Variants in PPM1E observed in about 807,000 individuals in gnomAD.
PPM1E encodes protein phosphatase, Mg2+/Mn2+ dependent 1E, also known as protein phosphatase 1E.
PPM1E carries 20 observed loss-of-function variants against 65.9 expected under a neutral mutation model. That is an observed-to-expected ratio of 0.30 (90% confidence interval 0.21 to 0.44). The LOEUF is 0.44. Among genes scored for constraint, PPM1E ranks in the 20% least tolerant of loss-of-function variants. The pLI is 1.00. For missense variants in PPM1E, 713 were observed against 953.1 expected, an observed-to-expected ratio of 0.75 and a Z score of 3.32; for synonymous variants, 352 against 374.9, an observed-to-expected ratio of 0.94 and a Z score of 0.70.
intron 1 of PPM1E, among the ~76,000 whole-genome samples, chr17:58,761,246 T>A (rs1264859521): frequency 6.6e-6 from 1 of 152,212 alleles, no homozygotes; most frequent in African/African-American, 2.4e-5. Flanking sequence ...TGATACTATG[T>A]GGTTCAAGGG....
At chr17:58,953,555 G>T (rs900666048) in intron 1 of PPM1E, among the ~76,000 whole-genome samples, 2 of 152,154 alleles carry the variant, frequency 1.3e-5, no homozygotes, top group East Asian at 3.8e-4. Context: ...GCCCCACCTT[G>T]AACATCGGGG....
chr17:58,872,927 TC>T (rs1417188336), intron 1 of PPM1E, among the ~76,000 whole-genome samples: 8 of 152,240 alleles, frequency 5.3e-5, no homozygotes, highest in Admixed American at 2.6e-4. Context: ...CATTCAGTGA[TC>T]GGGGTGATAA....
chr17:58,926,781 A>AT (rs1293725956), intron 1 of PPM1E, among the ~76,000 whole-genome samples: 2 of 152,194 alleles, frequency 1.3e-5, no homozygotes, highest in Non-Finnish European at 2.9e-5. Flanking sequence ...TGGGGCTAAT[A>AT]TAAAACTGCA....
chr17:58,905,813 G>T (rs9911753), intron 1 of PPM1E, among the ~76,000 whole-genome samples: 1 of 151,718 alleles, frequency 6.6e-6, no homozygotes, highest in East Asian at 1.9e-4. Context: ...TAATTAATAG[G>T]TGTATTAATT....
At chr17:58,914,742 A>T (rs926011168) in intron 1 of PPM1E, among the ~76,000 whole-genome samples, 1 of 152,204 alleles carries the variant, frequency 6.6e-6, no homozygotes, top group Non-Finnish European at 1.5e-5. Flanking sequence ...TGATGTAGAG[A>T]TAACATGTGA....
intron 1 of PPM1E, among the ~76,000 whole-genome samples, chr17:58,778,084 C>T (rs2050010798): frequency 6.6e-6 from 1 of 151,708 alleles, no homozygotes; most frequent in Non-Finnish European, 1.5e-5. Flanking sequence ...CAGGTGTGTG[C>T]CAGTACACAC....
At chr17:58,940,685 T>C (rs1211388703) in intron 1 of PPM1E, among the ~76,000 whole-genome samples, 1 of 151,880 alleles carries the variant, frequency 6.6e-6, no homozygotes, top group Non-Finnish European at 1.5e-5. Context: ...AAGATTACAA[T>C]AAAGGTTTTC....
At chr17:58,947,233 C>CTTT (rs71145507) in intron 1 of PPM1E, among the ~76,000 whole-genome samples, 8 of 45,070 alleles carry the variant, frequency 1.8e-4, no homozygotes, top group East Asian at 6.0e-4. Flanking sequence ...CACTCCTGGC[C>CTTT]TTTTTTTTTT....
intron 1 of PPM1E, among the ~76,000 whole-genome samples, chr17:58,787,802 G>C (rs1016315403): frequency 6.6e-6 from 1 of 151,428 alleles, no homozygotes; most frequent in Admixed American, 6.6e-5. Flanking sequence ...AGCTACTCGG[G>C]AGGCTGAGGC....
intron 1 of PPM1E, among the ~76,000 whole-genome samples, chr17:58,831,591 T>C (rs1310342613): frequency 6.6e-6 from 1 of 152,336 alleles, no homozygotes; most frequent in East Asian, 1.9e-4. Flanking sequence ...ATAATTTCAA[T>C]GAATTGCAAC....
At position 58,772,325 on chromosome 17, in the gene PPM1E, G is replaced by A. The variant is rs144763914; in HGVS notation, c.464+15864G>A. Among the ~76,000 whole-genome samples the A allele has an allele frequency of 2.8e-3, 426 of 152,094 alleles. 3 individuals are homozygous for A. The highest frequency in any genetic ancestry group is 0.017 in the Middle Eastern group (5 of 294). Reference sequence around the variant, plus strand: ...ACAAAAATTAGCCAGGTGTGGTGGCGTGCGCCTGTAGCCCCAGCTACTCAG... The same window carrying A: ...ACAAAAATTAGCCAGGTGTGGTGGCATGCGCCTGTAGCCCCAGCTACTCAG... On this transcript the variant is annotated intron_variant, in intron 1 of 6. Transcript: ENST00000308249.
intron 1 of PPM1E, among the ~76,000 whole-genome samples, chr17:58,853,030 T>C (rs2050844118): frequency 6.6e-6 from 1 of 152,222 alleles, no homozygotes; most frequent in South Asian, 2.1e-4. Flanking sequence ...TTTGCAAATA[T>C]GTTCTCTCAT....
intron 3 of PPM1E, among the ~76,000 whole-genome samples, chr17:58,967,736 C>T (rs963630448): frequency 1.8e-4 from 27 of 150,258 alleles, no homozygotes; most frequent in African/African-American, 5.9e-4. Flanking sequence ...GGTGCTATTT[C>T]GAGTTGTTTA....
At chr17:58,811,729 G>C (rs899571665) in intron 1 of PPM1E, among the ~76,000 whole-genome samples, 1 of 151,854 alleles carries the variant, frequency 6.6e-6, no homozygotes, top group Non-Finnish European at 1.5e-5. Flanking sequence ...GGAATATGGT[G>C]GTGCGATCTC....
chr17:58,950,124 G>A (rs1026806835), intron 1 of PPM1E, among the ~76,000 whole-genome samples: 45 of 152,184 alleles, frequency 3.0e-4, no homozygotes, highest in South Asian at 2.1e-4. Flanking sequence ...CACTTTGGAA[G>A]GCCAAGGCAG....
chr17:58,954,920 C>T (rs549532078), intron 1 of PPM1E, among the ~76,000 whole-genome samples: 22 of 150,626 alleles, frequency 1.5e-4, no homozygotes, highest in Admixed American at 7.3e-4. Context: ...AAATTTTATT[C>T]CCTCTGCCTG....
chr17:58,964,245 G>C (rs1429627926), intron 2 of PPM1E, among the ~76,000 whole-genome samples: 1 of 151,800 alleles, frequency 6.6e-6, no homozygotes, highest in Admixed American at 6.6e-5. Flanking sequence ...GAAAATTTAA[G>C]TTCATTTTTT....
intron 4 of PPM1E, 23 bp from the exon 5 acceptor site, chr17:58,972,107 CTA>C (rs1468637368): frequency 4.4e-6 from 7 of 1,600,052 alleles, no homozygotes; most frequent in Non-Finnish European, 6.0e-6. Flanking sequence ...TTCACTGAGT[CTA>C]GTTTTATTTA....
At position 58,952,969 on chromosome 17, in the gene PPM1E, C is replaced by G. The variant is rs115389240; in HGVS notation, c.465-2680C>G. On this transcript the variant is annotated intron_variant, in intron 1 of 6. Transcript: ENST00000308249. ...GATTACAGGCATGAGCCACCACCCC[C>G]GACCTGGAGTACTAGTTTCTTAATG... 1.8e-3 allele frequency among the ~76,000 whole-genome samples: 268 copies of G among 152,216 alleles called. 3 individuals are homozygous for G. Among genetic ancestry groups the G allele is most frequent in the Middle Eastern group, 0.017 (5 of 294 alleles).
Sources: allele counts gnomAD v4.1 joint callset (sites outside exome capture counted in the v4.1 genomes callset), GRCh38; gene constraint gnomAD v4.1.1; transcripts MANE v1.5; gene names NCBI Gene and HGNC (gene_info 2026-07-23, HGNC 2026-07-21).